Variants in PCDH20 observed in about 807,000 individuals in gnomAD.
PCDH20 encodes the protein protocadherin 20.
Under a neutral mutation model 39.7 loss-of-function variants are expected in PCDH20, and 18 were observed. That is an observed-to-expected ratio of 0.45 (90% confidence interval 0.31 to 0.67). The LOEUF is 0.67. Ranked by LOEUF, PCDH20 falls within the 30% of genes least tolerant of loss-of-function variation. The pLI, the probability that PCDH20 is intolerant of heterozygous loss-of-function variation, is 0.05. For synonymous variants in PCDH20, 495 were observed against 455.4 expected, an observed-to-expected ratio of 1.09 and a Z score of -1.11; for missense variants, 1,161 against 1,167.4, an observed-to-expected ratio of 0.99 and a Z score of 0.08.
At chr13:61,409,860 A>T (rs1194032929) in exon 2 of PCDH20, 1 of 152,136 alleles carries the variant, frequency 6.6e-6, no homozygotes, top group Non-Finnish European at 1.5e-5. Context: ...GAAAGAAATT[A>T]TGAAAATATA....
chr13:61,412,405 T>G, exon 2 of PCDH20: 1 of 1,614,210 alleles, frequency 6.2e-7, no homozygotes. Flanking sequence ...GCCTCTCTCC[T>G]CGCTGTCGGC....
At position 61,415,369 on chromosome 13, in the gene PCDH20, A is replaced by T. The variant is rs1307182221; in HGVS notation, c.-211T>A. ...GACGCAGGTAACTCCATACTCTGCC[A>T]GAGGAGCTGGAATGGGGGACTTGCT... On this transcript the variant is annotated 5_prime_UTR_variant, in exon 1 of 2. Transcript: ENST00000409204. 4 of 505,582 alleles carry T rather than the reference A, an allele frequency of 7.9e-6. No homozygotes were observed. The East Asian group carries it at 1.5e-4, about 19-fold the overall frequency. The allele number at this position is 505,582 out of a possible 1,614,324, so 31.3% of individuals were successfully genotyped here.
chr13:61,415,112 C>T (rs1346931421), exon 1 of PCDH20: 2 of 1,553,774 alleles, frequency 1.3e-6, no homozygotes, highest in Admixed American at 3.7e-5. Context: ...CGGGCACCAG[C>T]TCACTCCCAG....
chr13:61,412,763 G>C, exon 2 of PCDH20: 2 of 1,614,082 alleles, frequency 1.2e-6, no homozygotes, highest in Admixed American at 3.3e-5. Flanking sequence ...GTGTTAACGG[G>C]TTCCAGTTCT....
At chr13:61,412,516 T>A (rs1178088810) in exon 2 of PCDH20, 1 of 1,614,086 alleles carries the variant, frequency 6.2e-7, no homozygotes, top group Non-Finnish European at 8.5e-7. Context: ...ATTATCATTG[T>A]CATCTAAAAG....
At chr13:61,411,043 C>A in exon 2 of PCDH20, 30 of 398,310 alleles carry the variant, frequency 7.5e-5, no homozygotes, top group Non-Finnish European at 1.0e-4. Context: ...GCTGTTAGTA[C>A]TAATTTTCAC....
chr13:61,413,750 G>A, exon 2 of PCDH20: 1 of 1,613,914 alleles, frequency 6.2e-7, no homozygotes, highest in East Asian at 2.2e-5. Context: ...CTGAAGGAGA[G>A]AGGGGGGTTC....
At position 61,410,880 on chromosome 13, in the gene PCDH20, G is replaced by A. The variant is rs149862695; in HGVS notation, c.*363C>T. On this transcript the variant is annotated 3_prime_UTR_variant, in exon 2 of 2. Coordinates refer to ENST00000409204, the Ensembl canonical transcript of PCDH20. ...TACCCCAGTTTCCTGCAAAGGAGCA[G>A]CTGATGCCCTCTTGTGGTGACAGGA... 3.2e-3 allele frequency: 524 copies of A among 164,470 alleles called. 3 individuals carry two copies. Among genetic ancestry groups the A allele is most frequent in the African/African-American group, 0.012 (505 of 41,840 alleles). The allele number at this position is 164,470 out of a possible 1,614,324, so 10.2% of individuals were successfully genotyped here.
exon 2 of PCDH20, chr13:61,412,618 G>A (rs146738991): frequency 1.7e-4 from 269 of 1,613,948 alleles, no homozygotes; most frequent in Non-Finnish European, 5.5e-5. Flanking sequence ...ATAGTCCATA[G>A]GTTTTGTGGT....
At chr13:61,413,236 C>T (rs1871442762) in exon 2 of PCDH20, 1 of 1,614,106 alleles carries the variant, frequency 6.2e-7, no homozygotes. Flanking sequence ...TATGATGATG[C>T]TCACATACTG....
chr13:61,415,110 A>C (rs759100372), exon 1 of PCDH20: 1 of 1,555,548 alleles, frequency 6.4e-7, no homozygotes, highest in East Asian at 2.4e-5. Context: ...GCCGGGCACC[A>C]GCTCACTCCC....
At chr13:61,412,830 G>T in exon 2 of PCDH20, 1 of 1,613,944 alleles carries the variant, frequency 6.2e-7, no homozygotes, top group Non-Finnish European at 8.5e-7. Context: ...CAATTTCAGG[G>T]GGTCTGAAAA....
chr13:61,413,299 TC>T lies in PCDH20; in HGVS notation c.799del (p.Glu267SerfsTer6). 1 of 1,614,092 alleles carries T rather than the reference TC, an allele frequency of 6.2e-7. No individual in the cohort carries two copies. ...CATGACAATTAGGTAGGGGGTGCGCTCCCCATTCTCATTCTCCTCCACGTCC... is the reference window on the plus strand; with the variant it reads ...CATGACAATTAGGTAGGGGGTGCGCTCCCATTCTCATTCTCCTCCACGTCC... On this transcript the variant is annotated frameshift_variant, in exon 2 of 2. Transcript: ENST00000409204. LOFTEE classifies it high-confidence loss of function.
Position 61,413,584 on chromosome 13 carries a change from GGA to G in PCDH20, c.513_514del (p.Pro172PhefsTer2). 1 of 1,614,206 alleles carries G rather than the reference GGA, an allele frequency of 6.2e-7. No homozygotes were observed. The highest frequency in any genetic ancestry group is 8.5e-7 in the Non-Finnish European group (1 of 1,180,036). On this transcript the variant is annotated frameshift_variant, in exon 2 of 2. Transcript: ENST00000409204. LOFTEE classifies it high-confidence loss of function. Reference sequence around the variant, plus strand: ...CAGCAGCAAAAGACAAGAGTCAGAAGGAGAGGAGGAGATGGAAACGCTGCCGC... The same window carrying G: ...CAGCAGCAAAAGACAAGAGTCAGAAGGAGGAGGAGATGGAAACGCTGCCGC...
At chr13:61,411,152 T>G in exon 2 of PCDH20, 1 of 1,071,816 alleles carries the variant, frequency 9.3e-7, no homozygotes. Flanking sequence ...TAGTTGTCCT[T>G]CATTGGAACT....
chr13:61,411,463 C>A (rs748781931), exon 2 of PCDH20: 1 of 1,614,136 alleles, frequency 6.2e-7, no homozygotes, highest in South Asian at 1.1e-5. Flanking sequence ...TTCTACCTTC[C>A]TATGAGTCGG....
chr13:61,412,772 C>T, exon 2 of PCDH20: 1 of 1,614,108 alleles, frequency 6.2e-7, no homozygotes, highest in Non-Finnish European at 8.5e-7. Context: ...GGTTCCAGTT[C>T]TTTCAGATAA....
At chr13:61,409,999 T>C (rs929671119) in exon 2 of PCDH20, 4 of 152,108 alleles carry the variant, frequency 2.6e-5, no homozygotes, top group Admixed American at 1.3e-4. Flanking sequence ...AGCTCTCATA[T>C]AAAATAATAT....
At position 61,412,413 on chromosome 13, in the gene PCDH20, G is replaced by A. The variant is rs201601157; in HGVS notation, c.1686C>T (p.Ala562=). The A allele has an allele frequency of 2.7e-5, 43 of 1,614,022 alleles. No individual in the cohort carries two copies. In the South Asian group the frequency reaches 3.1e-4, roughly 12 times the overall value. The change falls in exon 2 of 2, where the codon GCC becomes GCT. Residue 562 remains alanine (A), a synonymous_variant. Coordinates refer to ENST00000409204, the Ensembl canonical transcript of PCDH20. ...AAACTTGGCCTCTCTCCTCGCTGTC[G>A]GCATCTGTAGCATACAGCTTAGTCA...
Sources: allele counts gnomAD v4.1 joint callset, GRCh38; gene constraint gnomAD v4.1.1; transcripts MANE v1.5; gene names NCBI Gene and HGNC (gene_info 2026-07-23, HGNC 2026-07-21).